Variants in PCDHGB2 observed in about 807,000 individuals in gnomAD.
The protein encoded by PCDHGB2 is protocadherin gamma-B2.
PCDHGB2 carries 55 observed loss-of-function variants against 59.3 expected under a neutral mutation model. The observed-to-expected ratio is 0.93, with a 90% confidence interval of 0.75 to 1.16. The LOEUF is 1.16. Ranked by LOEUF, PCDHGB2 falls within the 50% of genes most tolerant of loss-of-function variation. The pLI, the probability that PCDHGB2 is intolerant of heterozygous loss-of-function variation, is 0.00. For synonymous variants in PCDHGB2, 516 were observed against 512.0 expected (o/e 1.01, Z -0.11); for missense variants, 1,228 against 1,198.5 (o/e 1.02, Z -0.36).
chr5:141,465,611 C>T (rs1393170181), intron 1 of PCDHGB2, among the ~76,000 whole-genome samples: 1 of 152,178 alleles, frequency 6.6e-6, no homozygotes, highest in African/African-American at 2.4e-5. Context: ...CTCTTTGGCC[C>T]TCCAGGAAGT....
Position 141,431,303 on chromosome 5 carries a change from G to A in PCDHGB2, c.2422-63504G>A, listed in dbSNP as rs777784010. 2 of 1,613,942 alleles carry A rather than the reference G, an allele frequency of 1.2e-6. No homozygotes were observed. The highest frequency in any genetic ancestry group is 2.7e-5 in the African/African-American group (2 of 74,916). ...CCCGAACACTCACTTCTCCCTCATC[G>A]TGCAAAATGGAGCCGACGGTAGTAA... On this transcript the variant is annotated intron_variant, in intron 1 of 3. Transcript: ENST00000522605. The surrounding 1 kb of genome is among the most constrained non-coding windows in gnomAD (Gnocchi z 4.8).
At chr5:141,427,924 G>A (rs1440880400) in intron 1 of PCDHGB2, 8 of 1,580,024 alleles carry the variant, frequency 5.1e-6, no homozygotes, top group East Asian at 2.2e-5. Context: ...ATGAGCCGGC[G>A]CATGTTGGTG....
intron 1 of PCDHGB2, chr5:141,388,083 C>A (rs942656707): frequency 1.5e-6 from 2 of 1,358,264 alleles, no homozygotes; most frequent in South Asian, 1.3e-5. Flanking sequence ...TCGAAAACTG[C>A]GCGTCAGTTC....
At position 141,489,720 on chromosome 5, in the gene PCDHGB2, G is replaced by T. The variant is rs560729125; in HGVS notation, c.2422-5087G>T. 1.9e-6 allele frequency: 3 copies of T among 1,614,200 alleles called. No individual in the cohort carries two copies. Among genetic ancestry groups the T allele is most frequent in the Middle Eastern group, 1.6e-4 (1 of 6,062 alleles). ...TCCCACTGGACAGTGCCCAGGATCC[G>T]GATGTGGGCACCAATACTGTGAGCT... On this transcript the variant is annotated intron_variant, in intron 1 of 3. Transcript: ENST00000522605. This position sits in a 1 kb window ranked among gnomAD's most constrained non-coding sequence, Gnocchi z 4.5.
rs144789830 is a variant in PCDHGB2 at position 141,503,198 on chromosome 5, C to T, written c.2481-2195C>T. Among the ~76,000 whole-genome samples the T allele has an allele frequency of 3.7e-3, 561 of 152,172 alleles. 5 individuals carry two copies. Among genetic ancestry groups the T allele is most frequent in the Admixed American group, 0.011 (164 of 15,268 alleles). ...TATTGTGTAATTATTTAAAATCAGC[C>T]TCTCAGTGCCCACCATGAGCACCGT... On this transcript the variant is annotated intron_variant, in intron 2 of 3. Coordinates refer to ENST00000522605, the MANE Select transcript of PCDHGB2 (RefSeq NM_018923.3).
rs751276470 is a variant in PCDHGB2, at chr5:141,431,560, C to A, written c.2422-63247C>A. 6.2e-7 allele frequency: 1 copy of A among 1,614,104 alleles called. No individual in the cohort carries two copies. On this transcript the variant is annotated intron_variant, in intron 1 of 3. Coordinates refer to ENST00000522605, the MANE Select transcript of PCDHGB2 (RefSeq NM_018923.3). This position sits in a 1 kb window ranked among gnomAD's most constrained non-coding sequence, Gnocchi z 4.8. ...CGCAGCTGCTTGTAGTCAACGCTAC[C>A]GACCCTGACGAAGGAGTCAATGCGG...
chr5:141,451,069 C>G (rs2098705799), intron 1 of PCDHGB2, among the ~76,000 whole-genome samples: 1 of 151,836 alleles, frequency 6.6e-6, no homozygotes, highest in Non-Finnish European at 1.5e-5. Flanking sequence ...ACCTTGTGAT[C>G]CACCCACCTT....
At chr5:141,420,006 G>C (rs2096458103) in intron 1 of PCDHGB2, 2 of 1,613,934 alleles carry the variant, frequency 1.2e-6, no homozygotes, top group Admixed American at 3.3e-5. Flanking sequence ...CTACGCCTGC[G>C]ACAGTCTTTC....
Position 141,375,230 on chromosome 5 carries a change from A to G in PCDHGB2, c.2421+12674A>G. ...AGACTCTGGCCTGAATGGCCTGGTA[A>G]CCTGTTCCATCCCGAGAAGTCTCCC... On this transcript the variant is annotated intron_variant, in intron 1 of 3. Coordinates refer to ENST00000522605, the MANE Select transcript of PCDHGB2 (RefSeq NM_018923.3). 2 of 1,613,988 alleles carry G rather than the reference A, an allele frequency of 1.2e-6. No individual in the cohort carries two copies. The highest frequency in any genetic ancestry group is 8.5e-7 in the Non-Finnish European group (1 of 1,179,900).
At chr5:141,502,953 C>G (rs145774277) in intron 2 of PCDHGB2, among the ~76,000 whole-genome samples, 1,594 of 147,762 alleles carry the variant, frequency 0.011, 24 homozygotes, top group African/African-American at 0.037. Context: ...AAGCGATTCT[C>G]CTGCCTCAGC....
chr5:141,370,748 T>C (rs769655229), intron 1 of PCDHGB2: 2 of 1,613,824 alleles, frequency 1.2e-6, no homozygotes, highest in Non-Finnish European at 8.5e-7. Context: ...ACTTTTTTCA[T>C]GTAACTGTGC....
In PCDHGB2 at chr5:141,491,492, T is replaced by G. The variant is rs763487622; in HGVS notation, c.2422-3315T>G. On this transcript the variant is annotated intron_variant, in intron 1 of 3. Coordinates refer to ENST00000522605, the MANE Select transcript of PCDHGB2 (RefSeq NM_018923.3). This position sits in a 1 kb window ranked among gnomAD's most constrained non-coding sequence, Gnocchi z 6.9. ...AAGCAGTCCAGCCCCAACCTGCAGG[T>G]GAGCTCGGACGGCACGCTCAAGTAC... 3.1e-6 allele frequency: 5 copies of G among 1,614,024 alleles called. No homozygotes were observed. The highest frequency in any genetic ancestry group is 3.4e-6 in the Non-Finnish European group (4 of 1,180,006).
intron 1 of PCDHGB2, chr5:141,412,918 G>T: frequency 2.4e-6 from 1 of 414,220 alleles, no homozygotes; most frequent in Non-Finnish European, 4.2e-6. Flanking sequence ...TATCACTTGG[G>T]TGCAGTAACT....
At chr5:141,394,507 C>T in intron 1 of PCDHGB2, 1 of 1,614,214 alleles carries the variant, frequency 6.2e-7, no homozygotes, top group South Asian at 1.1e-5. Flanking sequence ...ATCCTGTACC[C>T]CGCCCTCCCC....
intron 2 of PCDHGB2, among the ~76,000 whole-genome samples, chr5:141,503,824 C>G (rs1216231770): frequency 1.3e-5 from 2 of 152,058 alleles, no homozygotes; most frequent in South Asian, 4.1e-4. Context: ...TTGGGCAAAA[C>G]CAAAAGCAGG....
chr5:141,402,973 C>T (rs779898665), intron 1 of PCDHGB2: 4 of 1,608,044 alleles, frequency 2.5e-6, no homozygotes, highest in Non-Finnish European at 2.5e-6. Context: ...CAACCAAATG[C>T]CAGCTCCGCG....
chr5:141,407,704 T>C (rs977444941), intron 1 of PCDHGB2, among the ~76,000 whole-genome samples: 5 of 152,144 alleles, frequency 3.3e-5, no homozygotes, highest in Admixed American at 1.3e-4. Context: ...TTGTTGAAGG[T>C]GGGGTGATGG....
At chr5:141,394,989 C>T in intron 1 of PCDHGB2, 1 of 1,614,030 alleles carries the variant, frequency 6.2e-7, no homozygotes. Flanking sequence ...ACGCCTGCTC[C>T]AGGATTCCGG....
At position 141,491,539 on chromosome 5, in the gene PCDHGB2, A is replaced by G; in HGVS notation, c.2422-3268A>G. ...GTACATGGAGGTGACGCTGCGGCCC[A>G]CAGACTCGCAGAGCCACTGCTACAG... On this transcript the variant is annotated intron_variant, in intron 1 of 3. Coordinates refer to ENST00000522605, the MANE Select transcript of PCDHGB2 (RefSeq NM_018923.3). This position sits in a 1 kb window ranked among gnomAD's most constrained non-coding sequence, Gnocchi z 6.9. The G allele has an allele frequency of 6.2e-7, 1 of 1,613,968 alleles. No homozygotes were observed. The highest frequency in any genetic ancestry group is 1.1e-5 in the South Asian group (1 of 91,074).
Sources: allele counts gnomAD v4.1 joint callset (sites outside exome capture counted in the v4.1 genomes callset), GRCh38; gene constraint gnomAD v4.1.1; non-coding constraint Gnocchi (gnomAD v3.1); transcripts MANE v1.5; gene names NCBI Gene and HGNC (gene_info 2026-07-23, HGNC 2026-07-21).